Variants in ST6GALNAC3 observed in about 807,000 individuals in gnomAD.
The protein encoded by ST6GALNAC3 is alpha-N-acetylgalactosaminide alpha-2,6-sialyltransferase 3.
Under a neutral mutation model 32.7 loss-of-function variants are expected in ST6GALNAC3, and 25 were observed. The observed-to-expected ratio is 0.76, with a 90% CI of 0.56 to 1.07. ST6GALNAC3 has a LOEUF of 1.07. Among genes scored for constraint, ST6GALNAC3 ranks in the 50% least tolerant of loss-of-function variants. The probability of loss-of-function intolerance (pLI) is 0.00; values close to 1 mark genes in which losing one functional copy is unlikely to be tolerated. For synonymous variants in ST6GALNAC3, 129 were observed against 133.1 expected, an observed-to-expected ratio of 0.97 and a Z score of 0.21; for missense variants, 355 against 382.4, an observed-to-expected ratio of 0.93 and a Z score of 0.60.
Position 76,509,467 on chromosome 1 carries a change from G to A in ST6GALNAC3, c.623+97050G>A, listed in dbSNP as rs1230484337. On this transcript the variant is annotated intron_variant, in intron 3 of 4. Coordinates refer to ENST00000328299, the MANE Select transcript of ST6GALNAC3 (RefSeq NM_152996.4). The surrounding 1 kb of genome is among the most constrained non-coding windows in gnomAD (Gnocchi z 5.5). The stretch of plus-strand genomic sequence containing the variant: ...CATGCTAATTCTGACACTTTGAAAT[G>A]TAAGAGCAGTTCTTGAGGTATTGAA... 6.6e-6 allele frequency among the ~76,000 whole-genome samples: 1 copy of A among 152,146 alleles called. No individual in the cohort carries two copies. The highest frequency in any genetic ancestry group is 1.5e-5 in the Non-Finnish European group (1 of 68,018).
chr1:76,410,061 C>CT (rs200253883), intron 2 of ST6GALNAC3, among the ~76,000 whole-genome samples: 4,488 of 152,004 alleles, frequency 0.03, 83 homozygotes, highest in Non-Finnish European at 0.045. Flanking sequence ...ACCCTGGCCT[C>CT]TTTTTTTTAT....
At chr1:76,261,447 C>CA (rs1658228696) in intron 1 of ST6GALNAC3, among the ~76,000 whole-genome samples, 1 of 152,194 alleles carries the variant, frequency 6.6e-6, no homozygotes, top group Non-Finnish European at 1.5e-5. Context: ...AACAAGGAGA[C>CA]ACAAGCCCGG....
At chr1:76,099,814 A>T (rs1418816702) in intron 1 of ST6GALNAC3, among the ~76,000 whole-genome samples, 1 of 152,162 alleles carries the variant, frequency 6.6e-6, no homozygotes, top group Non-Finnish European at 1.5e-5. Flanking sequence ...TTTTCTTTTA[A>T]AGACTCCATT....
intron 1 of ST6GALNAC3, among the ~76,000 whole-genome samples, chr1:76,090,052 A>G (rs1000008396): frequency 1.3e-5 from 2 of 152,186 alleles, no homozygotes; most frequent in African/African-American, 4.8e-5. Context: ...AGAATAACTT[A>G]TCTGAGCCAC....
intron 1 of ST6GALNAC3, among the ~76,000 whole-genome samples, chr1:76,300,221 T>C (rs950415599): frequency 1.1e-4 from 17 of 152,014 alleles, no homozygotes; most frequent in Admixed American, 6.6e-4. Flanking sequence ...ATCTGCCCAA[T>C]TGAAAGATCA....
intron 3 of ST6GALNAC3, among the ~76,000 whole-genome samples, chr1:76,534,104 G>A (rs536333915): frequency 7.9e-5 from 12 of 151,894 alleles, no homozygotes; most frequent in East Asian, 5.8e-4. Flanking sequence ...GTGCAGTGCC[G>A]TGATCTTGAC....
intron 2 of ST6GALNAC3, among the ~76,000 whole-genome samples, chr1:76,401,511 T>A (rs981355782): frequency 9.9e-5 from 15 of 152,164 alleles, no homozygotes; most frequent in African/African-American, 3.6e-4. Flanking sequence ...AGTATTTTTG[T>A]TGGTTTTCTT....
intron 1 of ST6GALNAC3, among the ~76,000 whole-genome samples, chr1:76,121,252 C>T (rs145391030): frequency 4.0e-4 from 61 of 152,332 alleles, no homozygotes; most frequent in African/African-American, 9.1e-4. Flanking sequence ...CAAGGGATCA[C>T]CCGTTGTTCT....
chr1:76,568,700 G>A (rs764876558), intron 3 of ST6GALNAC3, among the ~76,000 whole-genome samples: 6 of 152,050 alleles, frequency 3.9e-5, no homozygotes, highest in Non-Finnish European at 7.4e-5. Flanking sequence ...ACACAGACAC[G>A]CAGTATAGTG....
Position 76,451,853 on chromosome 1 carries a change from T to C in ST6GALNAC3, c.623+39436T>C, listed in dbSNP as rs568662728. On this transcript the variant is annotated intron_variant, in intron 3 of 4. Transcript: ENST00000328299. Reference sequence around the variant, plus strand: ...AGCATTTTCTAGGTATACAATTATATCATCAGCAAACAGTGACAGTTTGAC... The same window carrying C: ...AGCATTTTCTAGGTATACAATTATACCATCAGCAAACAGTGACAGTTTGAC... 8.5e-5 allele frequency among the ~76,000 whole-genome samples: 13 copies of C among 152,320 alleles called. No individual in the cohort carries two copies. In the South Asian group the frequency reaches 2.3e-3, roughly 27 times the overall value.
At chr1:76,162,140 G>A (rs1651850653) in intron 1 of ST6GALNAC3, among the ~76,000 whole-genome samples, 1 of 152,176 alleles carries the variant, frequency 6.6e-6, no homozygotes, top group Non-Finnish European at 1.5e-5. Flanking sequence ...TAACAGCTGT[G>A]TGAATGGGCA....
At chr1:76,099,274 C>G (rs1303525483) in intron 1 of ST6GALNAC3, among the ~76,000 whole-genome samples, 1 of 152,044 alleles carries the variant, frequency 6.6e-6, no homozygotes, top group Non-Finnish European at 1.5e-5. Flanking sequence ...AGAATTAGCT[C>G]ATAAAATTCC....
At chr1:76,124,494 C>T (rs1213750382) in intron 1 of ST6GALNAC3, among the ~76,000 whole-genome samples, 1 of 152,118 alleles carries the variant, frequency 6.6e-6, no homozygotes, top group Non-Finnish European at 1.5e-5. Flanking sequence ...GGGGATGTGC[C>T]GCACTCCACC....
intron 1 of ST6GALNAC3, among the ~76,000 whole-genome samples, chr1:76,172,397 A>G (rs1652577316): frequency 6.6e-6 from 1 of 152,220 alleles, no homozygotes; most frequent in East Asian, 1.9e-4. Context: ...AATGGGCAAA[A>G]GCTGGAAGCA....
At chr1:76,503,105 A>T (rs1661273416) in intron 3 of ST6GALNAC3, among the ~76,000 whole-genome samples, 1 of 152,210 alleles carries the variant, frequency 6.6e-6, no homozygotes, top group Admixed American at 6.5e-5. Context: ...CACCAAAATC[A>T]ATGAAGCCAT....
At chr1:76,552,726 A>C (rs1245936469) in intron 3 of ST6GALNAC3, among the ~76,000 whole-genome samples, 1 of 152,218 alleles carries the variant, frequency 6.6e-6, no homozygotes, top group East Asian at 1.9e-4. Context: ...CCTCATATTT[A>C]TTTTTATTTT....
chr1:76,631,020 GC>G lies in ST6GALNAC3; in HGVS notation c.*2218del. 4.1e-6 allele frequency: 4 copies of G among 985,468 alleles called. No homozygotes were observed. Among genetic ancestry groups the G allele is most frequent in the Non-Finnish European group, 4.8e-6 (4 of 829,808 alleles). 61.0% of individuals were successfully genotyped at this position (985,468 alleles called of 1,614,324 possible). A position where few individuals can be genotyped will look rare whatever the true frequency, so the allele number is the denominator to read the frequency against. On this transcript the variant is annotated 3_prime_UTR_variant, in exon 5 of 5. Transcript: ENST00000328299. ...GAAGGGCCAACTCTTATTTGTTCTA[GC>G]CCCTACTGATGAGAAACATTTGAAA...
At chr1:76,421,809 G>A (rs1470727196) in intron 3 of ST6GALNAC3, among the ~76,000 whole-genome samples, 1 of 151,852 alleles carries the variant, frequency 6.6e-6, no homozygotes, top group African/African-American at 2.4e-5. Context: ...ATTAATGAAA[G>A]CATTTCTGGC....
intron 1 of ST6GALNAC3, among the ~76,000 whole-genome samples, chr1:76,200,269 A>C (rs1654443409): frequency 6.6e-6 from 1 of 152,136 alleles, no homozygotes. Flanking sequence ...TCTGCTATGT[A>C]AATAGGAAAA....
Sources: gnomAD v4.1 joint callset for allele counts (sites outside exome capture counted in the v4.1 genomes callset) on GRCh38, gnomAD v4.1.1 for gene constraint, Gnocchi (gnomAD v3.1) non-coding constraint, MANE v1.5 for transcripts, NCBI Gene and HGNC (gene_info 2026-07-23, HGNC 2026-07-21) for gene names.